TAFA2: variants seen among roughly 807,000 people sequenced by gnomAD.
The protein encoded by TAFA2 is chemokine-like protein TAFA-2.
In TAFA2, 7 loss-of-function variants were observed where a neutral mutation model predicts 18.8. The ratio of observed to expected loss-of-function variants is 0.37; its 90% confidence interval spans 0.21 to 0.70. The LOEUF (loss-of-function observed/expected upper bound fraction) is 0.70. Ranked by LOEUF, TAFA2 falls within the 30% of genes least tolerant of loss-of-function variation. The pLI is 0.53. For missense variants in TAFA2, 122 were observed against 158.1 expected, an observed-to-expected ratio of 0.77 and a Z score of 1.23; for synonymous variants, 60 against 54.2, an observed-to-expected ratio of 1.11 and a Z score of -0.47.
chr12:61,790,354 A>G (rs1870923970), intron 2 of TAFA2, among the ~76,000 whole-genome samples: 1 of 151,874 alleles, frequency 6.6e-6, no homozygotes, highest in Admixed American at 6.6e-5. Flanking sequence ...ACTGTACTGG[A>G]AGTCCTAGCC....
intron 1 of TAFA2, among the ~76,000 whole-genome samples, chr12:62,171,161 T>C (rs1565769174): frequency 6.6e-6 from 1 of 152,092 alleles, no homozygotes; most frequent in Non-Finnish European, 1.5e-5. Flanking sequence ...ATTATTATTA[T>C]TATTAACATT....
intron 1 of TAFA2, among the ~76,000 whole-genome samples, chr12:61,875,030 T>A (rs762627720): frequency 6.6e-6 from 1 of 152,098 alleles, no homozygotes; most frequent in Non-Finnish European, 1.5e-5. Flanking sequence ...GGCTTATAAG[T>A]CAGAAAAACC....
chr12:62,204,464 A>C (rs573699780), intron 1 of TAFA2, among the ~76,000 whole-genome samples: 20 of 150,940 alleles, frequency 1.3e-4, no homozygotes, highest in Non-Finnish European at 2.5e-4. Flanking sequence ...CAGGTAGTGC[A>C]ATCAGTTGTA....
At chr12:61,847,814 T>C (rs144933111) in intron 2 of TAFA2, among the ~76,000 whole-genome samples, 4 of 152,330 alleles carry the variant, frequency 2.6e-5, no homozygotes, top group Non-Finnish European at 5.9e-5. Flanking sequence ...TTTATTTAAG[T>C]AACATCTGTT....
chr12:61,798,270 C>CT lies in TAFA2; in HGVS notation c.107-43247dup, dbSNP rs202068295. On this transcript the variant is annotated intron_variant, in intron 2 of 4. Coordinates refer to ENST00000416284, the MANE Select transcript of TAFA2 (RefSeq NM_178539.5). Reference sequence around the variant, plus strand: ...AAATCATTTCTCTTAACTATTTGGTCTTTTTTTTGTGTGTATGAGTCTCTG... The same window carrying CT: ...AAATCATTTCTCTTAACTATTTGGTCTTTTTTTTTGTGTGTATGAGTCTCTG... 3.9e-3 allele frequency among the ~76,000 whole-genome samples: 597 copies of CT among 151,908 alleles called. 19 individuals are homozygous for CT. The highest frequency in any genetic ancestry group is 0.034 in the Admixed American group (513 of 15,258).
At chr12:62,256,344 T>C (rs1265720932) in intron 1 of TAFA2, among the ~76,000 whole-genome samples, 1 of 152,206 alleles carries the variant, frequency 6.6e-6, no homozygotes, top group East Asian at 1.9e-4. Context: ...AAAATTAAAC[T>C]TTCTAGATCC....
At chr12:61,767,698 G>A (rs1366502678) in intron 2 of TAFA2, among the ~76,000 whole-genome samples, 1 of 151,870 alleles carries the variant, frequency 6.6e-6, no homozygotes, top group East Asian at 1.9e-4. Context: ...TTTCAGTAAG[G>A]AACATCCAGG....
intron 2 of TAFA2, among the ~76,000 whole-genome samples, chr12:61,765,446 T>A (rs1182573264): frequency 6.6e-6 from 1 of 152,126 alleles, no homozygotes; most frequent in Non-Finnish European, 1.5e-5. Flanking sequence ...TAGCAAGCCT[T>A]AGCTTAACTA....
chr12:61,918,004 T>A (rs925700928), intron 1 of TAFA2, among the ~76,000 whole-genome samples: 3 of 152,068 alleles, frequency 2.0e-5, no homozygotes. Context: ...ATAAGAACCA[T>A]GCTTATTTAT....
At chr12:61,910,581 C>T (rs1876566044) in intron 1 of TAFA2, among the ~76,000 whole-genome samples, 1 of 152,150 alleles carries the variant, frequency 6.6e-6, no homozygotes, top group African/African-American at 2.4e-5. Flanking sequence ...TAAACAACAG[C>T]CCTGCCATCA....
At chr12:61,808,247 T>C (rs188930571) in intron 2 of TAFA2, among the ~76,000 whole-genome samples, 12 of 151,574 alleles carry the variant, frequency 7.9e-5, no homozygotes, top group Non-Finnish European at 1.8e-4. Context: ...AAGGGTGAGT[T>C]TCCCTGCACA....
chr12:62,095,592 A>G lies in TAFA2; in HGVS notation c.-2+95667T>C, dbSNP rs143168084. On this transcript the variant is annotated intron_variant, in intron 1 of 4. Transcript: ENST00000416284. The stretch of plus-strand genomic sequence containing the variant: ...CAGACTCCGTGAGTTGATATGTCCA[A>G]TTCCCATACTAACCTATAAATGGTT... 6.5e-3 allele frequency among the ~76,000 whole-genome samples: 995 copies of G among 152,228 alleles called. 14 individuals are homozygous for G. Among genetic ancestry groups the G allele is most frequent in the African/African-American group, 0.022 (934 of 41,562 alleles).
chr12:62,231,668 T>G (rs1437618988), intron 1 of TAFA2, among the ~76,000 whole-genome samples: 4 of 152,184 alleles, frequency 2.6e-5, no homozygotes, highest in Non-Finnish European at 5.9e-5. Context: ...CTATAAAGAT[T>G]TAGATTGAAA....
At chr12:61,831,478 G>C (rs916062966) in intron 2 of TAFA2, among the ~76,000 whole-genome samples, 2 of 151,912 alleles carry the variant, frequency 1.3e-5, no homozygotes, top group African/African-American at 2.4e-5. Flanking sequence ...CAGAGACAAA[G>C]GGCCCTGAAT....
At chr12:61,902,072 A>G (rs1876126219) in intron 1 of TAFA2, among the ~76,000 whole-genome samples, 1 of 146,224 alleles carries the variant, frequency 6.8e-6, no homozygotes, top group South Asian at 2.2e-4. Context: ...CTATTGATGT[A>G]ATCATGGTGC....
intron 4 of TAFA2, among the ~76,000 whole-genome samples, chr12:61,744,586 A>G (rs1012894631): frequency 6.6e-6 from 1 of 152,102 alleles, no homozygotes; most frequent in African/African-American, 2.4e-5. Context: ...ACAGAGTCTC[A>G]TTCTGTTGTC....
chr12:61,995,046 T>C (rs558456998), intron 1 of TAFA2, among the ~76,000 whole-genome samples: 23 of 152,194 alleles, frequency 1.5e-4, no homozygotes, highest in African/African-American at 5.5e-4. Context: ...GTGTTCCTAT[T>C]AACATAAATT....
At chr12:62,008,572 T>G (rs1355701828) in intron 1 of TAFA2, among the ~76,000 whole-genome samples, 1 of 152,194 alleles carries the variant, frequency 6.6e-6, no homozygotes, top group Non-Finnish European at 1.5e-5. Context: ...ATTCTAAGTC[T>G]AATACCTATG....
intron 1 of TAFA2, among the ~76,000 whole-genome samples, chr12:61,996,912 C>T (rs1046187854): frequency 2.0e-5 from 3 of 152,138 alleles, no homozygotes; most frequent in Admixed American, 6.5e-5. Context: ...GACCATAAAT[C>T]CTGCTTAGTC....
Sources: allele counts gnomAD v4.1 joint callset (sites outside exome capture counted in the v4.1 genomes callset), GRCh38; gene constraint gnomAD v4.1.1; transcripts MANE v1.5; gene names NCBI Gene and HGNC (gene_info 2026-07-23, HGNC 2026-07-21).